GPRIN3: variants seen among roughly 807,000 people sequenced by gnomAD.
GPRIN3 encodes the protein G protein-regulated inducer of neurite outgrowth 3.
In GPRIN3, 12 loss-of-function variants were observed where a neutral mutation model predicts 13.7. The ratio of observed to expected loss-of-function variants is 0.87; its 90% CI spans 0.56 to 1.42. The LOEUF is 1.42. GPRIN3 is among the 40% of genes most tolerant of loss of function. The pLI is 0.00. For synonymous variants in GPRIN3, 377 were observed against 372.7 expected (o/e 1.01, Z -0.13); for missense variants, 1,009 against 958.7 (o/e 1.05, Z -0.69).
chr4:89,300,752 TCTGA>T, intron 1 of GPRIN3, among the ~76,000 whole-genome samples: 1 of 152,182 alleles, frequency 6.6e-6, no homozygotes, highest in Non-Finnish European at 1.5e-5. Flanking sequence ...ACTTCTGCTC[TCTGA>T]CTGTTTTCAG....
chr4:89,281,079 A>G (rs957472277), intron 1 of GPRIN3, among the ~76,000 whole-genome samples: 3 of 151,710 alleles, frequency 2.0e-5, no homozygotes, highest in African/African-American at 7.3e-5. Flanking sequence ...AGCACATCAC[A>G]TAGCCAGAGT....
At chr4:89,256,048 G>A (rs916247194) in intron 1 of GPRIN3, among the ~76,000 whole-genome samples, 7 of 152,058 alleles carry the variant, frequency 4.6e-5, no homozygotes, top group Admixed American at 2.0e-4. Flanking sequence ...TTACAGGGAG[G>A]GAAACTGAGG....
chr4:89,250,168 G>T lies in GPRIN3; in HGVS notation c.-58C>A. ...CTTGAGTACTGGTCCCACTGGTGGG[G>T]GAGGGGAGCGCAGTCAGAGCTCAGA... On this transcript the variant is annotated 5_prime_UTR_variant, in exon 2 of 2. Coordinates refer to ENST00000609438, the MANE Select transcript of GPRIN3 (RefSeq NM_198281.3). 6.5e-7 allele frequency: 1 copy of T among 1,544,560 alleles called. No individual in the cohort carries two copies. Among genetic ancestry groups the T allele is most frequent in the Non-Finnish European group, 8.7e-7 (1 of 1,145,164 alleles).
chr4:89,262,271 A>G (rs923579061), intron 1 of GPRIN3, among the ~76,000 whole-genome samples: 2 of 152,202 alleles, frequency 1.3e-5, no homozygotes, highest in African/African-American at 4.8e-5. Flanking sequence ...CATTTGTATT[A>G]AGAAGAGAAA....
In GPRIN3 at chr4:89,241,648, T is replaced by C. The variant is rs1270254727; in HGVS notation, c.*6132A>G. On this transcript the variant is annotated 3_prime_UTR_variant, in exon 2 of 2. Coordinates refer to ENST00000609438, the MANE Select transcript of GPRIN3 (RefSeq NM_198281.3). ...CTCTAGGGATTGGGGAGTATGACTA[T>C]AATACTGCAATCTCCTGATATACCA... is the stretch of plus-strand genomic sequence containing the variant. 1 of 152,172 alleles carries C rather than the reference T, an allele frequency of 6.6e-6. No individual in the cohort carries two copies. The highest frequency in any genetic ancestry group is 1.5e-5 in the Non-Finnish European group (1 of 68,022). 9.4% of individuals were successfully genotyped at this position (152,172 alleles called of 1,614,324 possible).
chr4:89,292,956 G>A (rs977094207), intron 1 of GPRIN3, among the ~76,000 whole-genome samples: 1 of 152,154 alleles, frequency 6.6e-6, no homozygotes, highest in African/African-American at 2.4e-5. Context: ...CTTTTATATT[G>A]TAGGATGATG....
chr4:89,306,860 A>G (rs1011780573), intron 1 of GPRIN3, among the ~76,000 whole-genome samples: 1 of 151,892 alleles, frequency 6.6e-6, no homozygotes, highest in Admixed American at 6.6e-5. Context: ...CATATTAAGT[A>G]CCTCTCCTTT....
At chr4:89,271,589 G>T (rs1403931275) in intron 1 of GPRIN3, among the ~76,000 whole-genome samples, 1 of 151,750 alleles carries the variant, frequency 6.6e-6, no homozygotes, top group Non-Finnish European at 1.5e-5. Flanking sequence ...TTTTATTATT[G>T]TATTGCTATT....
chr4:89,304,194 G>T (rs534246407), intron 1 of GPRIN3, among the ~76,000 whole-genome samples: 1 of 152,210 alleles, frequency 6.6e-6, no homozygotes, highest in African/African-American at 2.4e-5. Context: ...TGTAAGTCTT[G>T]CCTTCCTCAA....
Position 89,250,056 on chromosome 4 carries a change from A to G in GPRIN3, c.55T>C (p.Ser19Pro). The G allele has an allele frequency of 6.2e-7, 1 of 1,613,868 alleles. No homozygotes were observed. Among genetic ancestry groups the G allele is most frequent in the Non-Finnish European group, 8.5e-7 (1 of 1,179,766 alleles). The change falls in exon 2 of 2, where the codon TCC (serine) becomes CCC (proline). Residue 19 changes from serine to proline, a missense_variant. Transcript: ENST00000609438. ...TCTCCTAGATCGTCTTCTTTTCCGG[A>G]AGCTGCAATCAGGGAAGTTTTAGCT... ...RSAKTSLIAA[S>P]GKEDDLGEPQ...
intron 1 of GPRIN3, among the ~76,000 whole-genome samples, chr4:89,264,158 T>C (rs957261992): frequency 1.3e-5 from 2 of 152,154 alleles, no homozygotes; most frequent in African/African-American, 4.8e-5. Flanking sequence ...CCTAGTGAGA[T>C]GTGTTTAGGT....
At position 89,248,704 on chromosome 4, in the gene GPRIN3, G is replaced by T; in HGVS notation, c.1407C>A (p.Asp469Glu). ...NSSSLKATAI[D>E]QISISACSQA... The stretch of plus-strand genomic sequence containing the variant: ...GACTGCATGCACTGATAGAAATCTG[G>T]TCAATGGCGGTAGCTTTCAGGGAGC... Residue 469 changes from aspartate to glutamate, a missense_variant, in exon 2 of 2, where the codon GAC (aspartate) becomes GAA (glutamate). Asp to Glu is a conservative substitution (Grantham distance 45). Coordinates refer to ENST00000609438, the MANE Select transcript of GPRIN3 (RefSeq NM_198281.3). 6.2e-7 allele frequency: 1 copy of T among 1,614,126 alleles called. No individual in the cohort carries two copies. Among genetic ancestry groups the T allele is most frequent in the Non-Finnish European group, 8.5e-7 (1 of 1,180,002 alleles).
At position 89,249,793 on chromosome 4, in the gene GPRIN3, G is replaced by A; in HGVS notation, c.318C>T (p.Ser106=). The change falls in exon 2 of 2, where the codon AGC becomes AGT. Residue 106 remains serine (S), a synonymous_variant. Coordinates refer to ENST00000609438, the MANE Select transcript of GPRIN3 (RefSeq NM_198281.3). ...AACTCGGGGCTGATGCTGCGGGCTG[G>A]CTGCTCCCTGGCAGCTGGGGATTGC... ...SPGNPQLPGS[S]QPAASAPSSA... 6.2e-7 allele frequency: 1 copy of A among 1,614,196 alleles called. No homozygotes were observed. The highest frequency in any genetic ancestry group is 8.5e-7 in the Non-Finnish European group (1 of 1,180,026).
chr4:89,260,485 T>G (rs1329939858), intron 1 of GPRIN3, among the ~76,000 whole-genome samples: 1 of 152,192 alleles, frequency 6.6e-6, no homozygotes, highest in Non-Finnish European at 1.5e-5. Context: ...CTGTAAAACA[T>G]TAAGTTAGGC....
Position 89,246,543 on chromosome 4 carries a change from G to A in GPRIN3, c.*1237C>T, listed in dbSNP as rs753342734. 6.6e-6 allele frequency: 1 copy of A among 152,090 alleles called. No individual in the cohort carries two copies. Among genetic ancestry groups the A allele is most frequent in the Non-Finnish European group, 1.5e-5 (1 of 68,014 alleles). The allele number at this position is 152,090 out of a possible 1,614,324, so 9.4% of individuals were successfully genotyped here. A position where few individuals can be genotyped will look rare whatever the true frequency, so the allele number is the denominator to read the frequency against. On this transcript the variant is annotated 3_prime_UTR_variant, in exon 2 of 2. Transcript: ENST00000609438. ...AAATCACAAGCCATGTTTTCGTAAA[G>A]GCCTCTTCTTTCATTGGGTTTGAAG...
At chr4:89,259,936 C>G (rs1723579883) in intron 1 of GPRIN3, among the ~76,000 whole-genome samples, 1 of 152,210 alleles carries the variant, frequency 6.6e-6, no homozygotes, top group African/African-American at 2.4e-5. Context: ...TCCTGAGCAG[C>G]TGGGATTACA....
At chr4:89,283,884 T>C (rs560599764) in intron 1 of GPRIN3, among the ~76,000 whole-genome samples, 14 of 152,192 alleles carry the variant, frequency 9.2e-5, no homozygotes, top group Admixed American at 2.0e-4. Context: ...CTAAAGGGTG[T>C]GACAAAGTAA....
chr4:89,252,668 G>T (rs1228252612), intron 1 of GPRIN3, among the ~76,000 whole-genome samples: 1 of 152,074 alleles, frequency 6.6e-6, no homozygotes, highest in Non-Finnish European at 1.5e-5. Flanking sequence ...ACAATAAATA[G>T]AATGCATTTT....
rs1261770260 is a variant in GPRIN3, at chr4:89,246,038, C to A, written c.*1742G>T. 4 of 152,102 alleles carry A rather than the reference C, an allele frequency of 2.6e-5. No individual in the cohort carries two copies. The highest frequency in any genetic ancestry group is 9.7e-5 in the African/African-American group (4 of 41,430). 9.4% of individuals were successfully genotyped at this position (152,102 alleles called of 1,614,324 possible). A position where few individuals can be genotyped will look rare whatever the true frequency, so the allele number is the denominator to read the frequency against. On this transcript the variant is annotated 3_prime_UTR_variant, in exon 2 of 2. Coordinates refer to ENST00000609438, the MANE Select transcript of GPRIN3 (RefSeq NM_198281.3). The stretch of plus-strand genomic sequence containing the variant: ...ACAGTTAAATTGCTTCAAAATAAAT[C>A]AAAGGCTTTTTACTAATTTAGGTTG...
Sources: allele counts gnomAD v4.1 joint callset (sites outside exome capture counted in the v4.1 genomes callset), GRCh38; gene constraint gnomAD v4.1.1; transcripts MANE v1.5; gene names NCBI Gene and HGNC (gene_info 2026-07-23, HGNC 2026-07-21).